The following NELL1 variants were observed in gnomAD, a reference collection of about 807,000 sequenced individuals.
NELL1 encodes neural EGFL like 1, also known as protein kinase C-binding protein NELL1.
Under a neutral mutation model 107.4 loss-of-function variants are expected in NELL1, and 76 were observed. The observed-to-expected ratio is 0.71, with a 90% CI of 0.59 to 0.86. NELL1 has a LOEUF of 0.86. Ranked by LOEUF, NELL1 falls within the 40% of genes least tolerant of loss-of-function variation. The probability of loss-of-function intolerance (pLI) is 0.00; values close to 1 mark genes in which losing one functional copy is unlikely to be tolerated. For missense variants in NELL1, 1,024 were observed against 1,005.5 expected (o/e 1.02, Z -0.25); for synonymous variants, 353 against 341.2 (o/e 1.03, Z -0.38).
At chr11:20,828,056 C>G (rs1245615273) in intron 3 of NELL1, among the ~76,000 whole-genome samples, 2 of 151,230 alleles carry the variant, frequency 1.3e-5, no homozygotes, top group Non-Finnish European at 3.0e-5. Context: ...GAAAGGGCAT[C>G]TTTAGTATTA....
At chr11:21,414,533 CT>C (rs1243959454) in intron 15 of NELL1, among the ~76,000 whole-genome samples, 7 of 41,316 alleles carry the variant, frequency 1.7e-4, no homozygotes, top group African/African-American at 5.9e-4. Context: ...CAAATGGACT[CT>C]CCCTCCGGTG....
chr11:21,213,988 A>G (rs1238580063), intron 13 of NELL1, among the ~76,000 whole-genome samples: 1 of 152,174 alleles, frequency 6.6e-6, no homozygotes, highest in Non-Finnish European at 1.5e-5. Flanking sequence ...TGTCATGAAA[A>G]TTAAAACTTT....
intron 15 of NELL1, among the ~76,000 whole-genome samples, chr11:21,381,246 T>C (rs941453447): frequency 1.3e-5 from 2 of 151,986 alleles, no homozygotes; most frequent in Admixed American, 6.6e-5. Flanking sequence ...TGCATTGTTT[T>C]ACATATTCCT....
At chr11:20,762,688 GT>G (rs1257369755) in intron 2 of NELL1, among the ~76,000 whole-genome samples, 9 of 152,152 alleles carry the variant, frequency 5.9e-5, no homozygotes, top group African/African-American at 1.9e-4. Flanking sequence ...TACAGCCATC[GT>G]TACACATAAA....
At chr11:20,698,086 G>A (rs1266421268) in intron 2 of NELL1, among the ~76,000 whole-genome samples, 1 of 152,182 alleles carries the variant, frequency 6.6e-6, no homozygotes, top group Non-Finnish European at 1.5e-5. Context: ...CTTACTTTGA[G>A]TGGAGTGATT....
chr11:21,131,058 A>G (rs1855603803), intron 13 of NELL1, among the ~76,000 whole-genome samples: 1 of 83,210 alleles, frequency 1.2e-5, no homozygotes, highest in African/African-American at 5.0e-5. Context: ...GTATCTGGGG[A>G]CATGCATGCT....
intron 15 of NELL1, among the ~76,000 whole-genome samples, chr11:21,529,489 G>A (rs1453268010): frequency 1.3e-5 from 2 of 152,122 alleles, no homozygotes; most frequent in African/African-American, 2.4e-5. Flanking sequence ...AAGCAGGTTT[G>A]TGTTTGCTGT....
intron 15 of NELL1, among the ~76,000 whole-genome samples, chr11:21,372,127 CAT>C (rs1851370577): frequency 6.6e-6 from 1 of 151,220 alleles, no homozygotes. Context: ...TTAAAAAAAA[CAT>C]ATGAAAGAAC....
chr11:21,208,452 T>C (rs1857434064), intron 13 of NELL1, among the ~76,000 whole-genome samples: 1 of 150,076 alleles, frequency 6.7e-6, no homozygotes, highest in African/African-American at 2.4e-5. Context: ...TCATATTTAA[T>C]ACATAATTTA....
At chr11:21,547,283 C>T (rs1260523000) in intron 16 of NELL1, among the ~76,000 whole-genome samples, 2 of 151,844 alleles carry the variant, frequency 1.3e-5, no homozygotes, top group African/African-American at 4.8e-5. Flanking sequence ...GACGTGACAG[C>T]AGCCTGATTA....
chr11:21,530,517 A>G (rs187944637), intron 15 of NELL1, among the ~76,000 whole-genome samples: 1 of 152,092 alleles, frequency 6.6e-6, no homozygotes, highest in Non-Finnish European at 1.5e-5. Flanking sequence ...TCTGTTTCTC[A>G]TTGTAAATGA....
At chr11:21,251,634 C>T (rs1184892815) in intron 14 of NELL1, among the ~76,000 whole-genome samples, 3 of 151,782 alleles carry the variant, frequency 2.0e-5, no homozygotes, top group Non-Finnish European at 2.9e-5. Context: ...GACAAATGAT[C>T]AGGATGTAAG....
At chr11:21,225,877 A>C (rs1385001556) in intron 13 of NELL1, among the ~76,000 whole-genome samples, 2 of 152,182 alleles carry the variant, frequency 1.3e-5, no homozygotes, top group Non-Finnish European at 2.9e-5. Flanking sequence ...AAACAATCCC[A>C]AGTGATAGGT....
chr11:21,353,124 G>A (rs1850854327), intron 14 of NELL1, among the ~76,000 whole-genome samples: 1 of 152,074 alleles, frequency 6.6e-6, no homozygotes, highest in South Asian at 2.1e-4. Context: ...GCACCCTCAG[G>A]AAATAGTCAG....
intron 4 of NELL1, among the ~76,000 whole-genome samples, chr11:20,870,771 A>G (rs1453174201): frequency 6.6e-6 from 1 of 152,216 alleles, no homozygotes; most frequent in Non-Finnish European, 1.5e-5. Flanking sequence ...AGAACAGGAA[A>G]TTTTATCTAA....
At chr11:20,832,687 A>G (rs995537695) in intron 3 of NELL1, among the ~76,000 whole-genome samples, 4 of 152,248 alleles carry the variant, frequency 2.6e-5, no homozygotes, top group Admixed American at 6.5e-5. Flanking sequence ...TCAAGGAGGC[A>G]ATTCAGGAAA....
At chr11:20,867,576 A>G (rs192747764) in intron 4 of NELL1, among the ~76,000 whole-genome samples, 11 of 152,322 alleles carry the variant, frequency 7.2e-5, no homozygotes, top group Non-Finnish European at 1.2e-4. Flanking sequence ...CATTTGCAAA[A>G]TGAGGAGTTT....
intron 14 of NELL1, among the ~76,000 whole-genome samples, chr11:21,263,673 C>A (rs994602102): frequency 2.0e-5 from 3 of 151,926 alleles, no homozygotes; most frequent in Non-Finnish European, 4.4e-5. Flanking sequence ...AGGAGACTTT[C>A]ATCCTATATT....
rs1857079885 is a variant in NELL1 at position 21,570,695 on chromosome 11, C to A, written c.1981-69C>A. The A allele has an allele frequency of 2.0e-6, 3 of 1,489,880 alleles. No homozygotes were observed. In the South Asian group the frequency reaches 3.8e-5, roughly 19 times the overall value. The allele number at this position is 1,489,880 out of a possible 1,614,324, so 92.3% of individuals were successfully genotyped here. On this transcript the variant is annotated intron_variant, in intron 17 of 19. Coordinates refer to ENST00000357134, the MANE Select transcript of NELL1 (RefSeq NM_006157.5). ...GGGGTGACCAAACATCCAAGAAGTT[C>A]ATTTCTCTTAGTGTAGCTGTCCATC...
Sources: gnomAD v4.1 joint callset for allele counts (sites outside exome capture counted in the v4.1 genomes callset) on GRCh38, gnomAD v4.1.1 for gene constraint, MANE v1.5 for transcripts, NCBI Gene and HGNC (gene_info 2026-07-23, HGNC 2026-07-21) for gene names.